IL15: variants seen among roughly 807,000 people sequenced by gnomAD.
The protein encoded by IL15 is interleukin-15.
Under a neutral mutation model 19.6 loss-of-function variants are expected in IL15, and 11 were observed. That is an observed-to-expected ratio of 0.56 (90% confidence interval 0.35 to 0.93). IL15 has a LOEUF of 0.93. IL15 is among the 40% of genes least tolerant of loss of function. IL15 has a pLI of 0.01. For missense variants in IL15, 197 were observed against 186.5 expected, an observed-to-expected ratio of 1.06 and a Z score of -0.33; for synonymous variants, 58 against 59.6, an observed-to-expected ratio of 0.97 and a Z score of 0.12.
intron 2 of IL15, chr4:141,715,677 A>T (rs1307367000): frequency 6.6e-6 from 1 of 152,198 alleles, no homozygotes; most frequent in Non-Finnish European, 1.5e-5. Context: ...GTTGTCTTAT[A>T]GTCTCTATAT....
chr4:141,651,978 A>C (rs1727422619), intron 1 of IL15, among the ~76,000 whole-genome samples: 1 of 152,108 alleles, frequency 6.6e-6, no homozygotes, highest in Non-Finnish European at 1.5e-5. Flanking sequence ...ACCCAGCAGA[A>C]AGGGTCAAAA....
intron 2 of IL15, among the ~76,000 whole-genome samples, chr4:141,676,572 G>A (rs920269873): frequency 6.6e-6 from 1 of 152,184 alleles, no homozygotes; most frequent in Non-Finnish European, 1.5e-5. Context: ...ACATGAAAGA[G>A]AGCCCTGATA....
At chr4:141,698,450 A>C (rs1201050651) in intron 2 of IL15, among the ~76,000 whole-genome samples, 1 of 150,776 alleles carries the variant, frequency 6.6e-6, no homozygotes, top group Non-Finnish European at 1.5e-5. Flanking sequence ...TCAGCTGTGA[A>C]TCCATCTGGT....
intron 2 of IL15, among the ~76,000 whole-genome samples, chr4:141,708,224 T>C (rs1729590964): frequency 1.3e-5 from 2 of 152,290 alleles, no homozygotes; most frequent in South Asian, 4.1e-4. Context: ...CCTGAGATAG[T>C]GGTGTGCCAT....
chr4:141,720,779 C>A (rs928794178), intron 4 of IL15: 1 of 570,850 alleles, frequency 1.8e-6, no homozygotes, highest in African/African-American at 1.9e-5. Flanking sequence ...TCCAAACAAG[C>A]ATTATAGCCC....
intron 7 of IL15, among the ~76,000 whole-genome samples, chr4:141,731,103 G>A (rs951953581): frequency 6.6e-6 from 1 of 152,138 alleles, no homozygotes; most frequent in Non-Finnish European, 1.5e-5. Context: ...ACAACTGAAA[G>A]TGCAAAGGCC....
At chr4:141,687,777 A>G (rs956109500) in intron 2 of IL15, among the ~76,000 whole-genome samples, 1 of 152,220 alleles carries the variant, frequency 6.6e-6, no homozygotes, top group African/African-American at 2.4e-5. Context: ...ACAGAATTCT[A>G]AATAACCCAG....
chr4:141,659,680 A>C (rs1024190004), intron 2 of IL15, among the ~76,000 whole-genome samples: 2 of 152,242 alleles, frequency 1.3e-5, no homozygotes, highest in African/African-American at 4.8e-5. Flanking sequence ...CTTTTTAAAA[A>C]AATTTATTCT....
intron 2 of IL15, among the ~76,000 whole-genome samples, chr4:141,704,071 G>A (rs916953197): frequency 6.6e-6 from 1 of 152,074 alleles, no homozygotes; most frequent in African/African-American, 2.4e-5. Flanking sequence ...TAATTGTCCT[G>A]GGTAAGATTT....
chr4:141,710,629 T>C (rs1729685764), intron 2 of IL15, among the ~76,000 whole-genome samples: 1 of 152,082 alleles, frequency 6.6e-6, no homozygotes, highest in Non-Finnish European at 1.5e-5. Flanking sequence ...ACTGCCACAT[T>C]GTTTTTTCTG....
At chr4:141,642,571 G>A (rs1466999629) in intron 1 of IL15, among the ~76,000 whole-genome samples, 1 of 152,142 alleles carries the variant, frequency 6.6e-6, no homozygotes, top group Non-Finnish European at 1.5e-5. Context: ...TTTCCCACTG[G>A]GGACTAGTGC....
At chr4:141,674,190 T>G (rs1728266643) in intron 2 of IL15, among the ~76,000 whole-genome samples, 1 of 152,216 alleles carries the variant, frequency 6.6e-6, no homozygotes, top group Admixed American at 6.5e-5. Context: ...TTTTGGTTTT[T>G]TTATTCTCAA....
chr4:141,714,612 C>G (rs953644657), intron 2 of IL15: 5 of 152,222 alleles, frequency 3.3e-5, no homozygotes, highest in African/African-American at 1.2e-4. Context: ...GGTTGCCAAG[C>G]CCACTGGTCA....
chr4:141,721,128 T>A, intron 4 of IL15: 1 of 1,521,316 alleles, frequency 6.6e-7, no homozygotes, highest in Non-Finnish European at 9.0e-7. Context: ...CTCAGTTCAG[T>A]TTTACTCTAC....
In IL15 at chr4:141,732,805, A is replaced by G; in HGVS notation, c.446A>G (p.Gln149Arg). Reference sequence around the variant, plus strand: ...GAAAAAAATATTAAAGAATTTTTGCAGAGTTTTGTACATATTGTCCAAATG... The same window carrying G: ...GAAAAAAATATTAAAGAATTTTTGCGGAGTTTTGTACATATTGTCCAAATG... ...LEEKNIKEFL[Q>R]SFVHIVQMFI... Residue 149 changes from glutamine (Q) to arginine (R), a missense_variant, in exon 8 of 8, where the codon CAG becomes CGG. Transcript: ENST00000320650. 3 of 1,612,778 alleles carry G rather than the reference A, an allele frequency of 1.9e-6. No individual in the cohort carries two copies. Among genetic ancestry groups the G allele is most frequent in the Admixed American group, 1.7e-5 (1 of 59,814 alleles).
intron 1 of IL15, among the ~76,000 whole-genome samples, chr4:141,639,459 C>G (rs1406375612): frequency 1.3e-5 from 2 of 151,944 alleles, no homozygotes; most frequent in African/African-American, 4.8e-5. Context: ...CTTTATGGTC[C>G]CTGAATGAAA....
chr4:141,673,326 T>C (rs1728236073), intron 2 of IL15, among the ~76,000 whole-genome samples: 1 of 152,222 alleles, frequency 6.6e-6, no homozygotes, highest in East Asian at 1.9e-4. Context: ...TTCTGCTTTG[T>C]AAGTATCTAA....
chr4:141,642,568 C>A (rs1727086248), intron 1 of IL15, among the ~76,000 whole-genome samples: 1 of 152,186 alleles, frequency 6.6e-6, no homozygotes, highest in Non-Finnish European at 1.5e-5. Context: ...AGGTTTCCCA[C>A]TGGGGACTAG....
At chr4:141,724,665 T>C (rs907823845) in intron 5 of IL15, among the ~76,000 whole-genome samples, 2 of 152,102 alleles carry the variant, frequency 1.3e-5, no homozygotes, top group African/African-American at 4.8e-5. Context: ...AGAAAAACTA[T>C]GAACAATTTT....
Sources: gnomAD v4.1 joint callset for allele counts (sites outside exome capture counted in the v4.1 genomes callset) on GRCh38, gnomAD v4.1.1 for gene constraint, MANE v1.5 for transcripts, NCBI Gene and HGNC (gene_info 2026-07-23, HGNC 2026-07-21) for gene names.